Variants in CTIF observed in about 807,000 individuals in gnomAD.
CTIF encodes cap binding complex dependent translation initiation factor.
Under a neutral mutation model 66.0 loss-of-function variants are expected in CTIF, and 21 were observed. The observed-to-expected ratio is 0.32, with a 90% CI of 0.23 to 0.46. The LOEUF (loss-of-function observed/expected upper bound fraction) is 0.46. Ranked by LOEUF, CTIF falls within the 20% of genes least tolerant of loss-of-function variation. CTIF has a pLI of 1.00. For missense variants in CTIF, 739 were observed against 812.7 expected, an observed-to-expected ratio of 0.91 and a Z score of 1.10; for synonymous variants, 345 against 326.4, an observed-to-expected ratio of 1.06 and a Z score of -0.62.
At chr18:48,638,505 C>G (rs1752616210) in intron 3 of CTIF, among the ~76,000 whole-genome samples, 1 of 152,130 alleles carries the variant, frequency 6.6e-6, no homozygotes, top group South Asian at 2.1e-4. Context: ...CCCTCATCTG[C>G]CTCACCTCCC....
chr18:48,627,806 A>C (rs1433836532), intron 2 of CTIF, among the ~76,000 whole-genome samples: 1 of 93,142 alleles, frequency 1.1e-5, no homozygotes, highest in East Asian at 3.2e-4. Context: ...GGAGGGAGGG[A>C]GGGAGTGAGG....
intron 9 of CTIF, among the ~76,000 whole-genome samples, chr18:48,810,426 T>G (rs894918552): frequency 1.3e-5 from 2 of 152,116 alleles, no homozygotes; most frequent in Admixed American, 6.5e-5. Flanking sequence ...TATATTTGAG[T>G]ATGTCTTTAT....
chr18:48,758,003 C>A lies in CTIF; in HGVS notation c.669C>A (p.His223Gln). Reference protein sequence around the residue: ...QPGSAKHNRDHQKSYQGGSAP... With the variant: ...QPGSAKHNRDQQKSYQGGSAP... Reference sequence around the variant, plus strand: ...GCAGTGCCAAACACAACAGGGACCACCAGAAATCCTACCAGGGGGGCTCAG... The same window carrying A: ...GCAGTGCCAAACACAACAGGGACCAACAGAAATCCTACCAGGGGGGCTCAG... The change falls in exon 8 of 12, where the codon CAC (histidine) becomes CAA (glutamine). Residue 223 changes from histidine (H) to glutamine (Q), a missense_variant. Physicochemically the swap from His to Gln is conservative, Grantham distance 24. Coordinates refer to ENST00000256413, the MANE Select transcript of CTIF (RefSeq NM_014772.3). 2 of 1,614,038 alleles carry A rather than the reference C, an allele frequency of 1.2e-6. No individual in the cohort carries two copies. The highest frequency in any genetic ancestry group is 1.7e-6 in the Non-Finnish European group (2 of 1,180,010).
At chr18:48,583,614 G>C (rs947806749) in intron 1 of CTIF, among the ~76,000 whole-genome samples, 1 of 152,168 alleles carries the variant, frequency 6.6e-6, no homozygotes, top group South Asian at 2.1e-4. Flanking sequence ...GTCCGCAAGG[G>C]CCTGCAACAT....
chr18:48,780,446 C>T (rs1056130625), intron 9 of CTIF, among the ~76,000 whole-genome samples: 2 of 152,170 alleles, frequency 1.3e-5, no homozygotes, highest in Admixed American at 6.5e-5. Flanking sequence ...CCCGTCATCT[C>T]GGTGTCCCGG....
intron 2 of CTIF, chr18:48,625,257 CG>C (rs1165967873): frequency 6.1e-6 from 6 of 979,146 alleles, no homozygotes; most frequent in East Asian, 1.1e-4. Context: ...AGGAGGACTG[CG>C]GGGTGGTTCA....
intron 9 of CTIF, among the ~76,000 whole-genome samples, chr18:48,806,071 G>A (rs373563938): frequency 9.9e-5 from 15 of 152,072 alleles, no homozygotes; most frequent in Non-Finnish European, 1.5e-4. Flanking sequence ...TAGCAGAGTC[G>A]GAATGAGGAG....
In CTIF at chr18:48,761,563, C is replaced by A. The variant is rs1216539069; in HGVS notation, c.1245C>A (p.Arg415=). 4 of 1,614,094 alleles carry A rather than the reference C, an allele frequency of 2.5e-6. No homozygotes were observed. Among genetic ancestry groups the A allele is most frequent in the Non-Finnish European group, 3.4e-6 (4 of 1,180,054 alleles). Residue 415 remains arginine, a synonymous_variant, in exon 9 of 12, where the codon CGC becomes CGA. Transcript: ENST00000256413. This position sits in a 1 kb window ranked among gnomAD's most constrained non-coding sequence, Gnocchi z 4.2. ...AGGAGATGCTGGGCGAGATCGTGCGCACAATCTACCAGAAGGCTGTGTCCG... is the reference window on the plus strand; with the variant it reads ...AGGAGATGCTGGGCGAGATCGTGCGAACAATCTACCAGAAGGCTGTGTCCG... ...NSEEMLGEIV[R]TIYQKAVSDR...
intron 6 of CTIF, among the ~76,000 whole-genome samples, chr18:48,673,386 T>C (rs1001608167): frequency 1.3e-5 from 2 of 152,154 alleles, no homozygotes; most frequent in African/African-American, 4.8e-5. Flanking sequence ...AAATTCAGCA[T>C]GAACCTGGTT....
intron 1 of CTIF, among the ~76,000 whole-genome samples, chr18:48,576,197 G>A (rs1221701281): frequency 1.3e-5 from 2 of 152,234 alleles, no homozygotes; most frequent in South Asian, 4.1e-4. Flanking sequence ...GAGGCTGCCC[G>A]GGGCAGGGTT....
At chr18:48,718,012 G>A (rs565277886) in intron 7 of CTIF, among the ~76,000 whole-genome samples, 8 of 152,290 alleles carry the variant, frequency 5.3e-5, no homozygotes, top group Admixed American at 4.6e-4. Flanking sequence ...AAGTAGCTGG[G>A]ATTATAGACA....
rs1385009844 is a variant in CTIF, at chr18:48,761,463, T to C, written c.1145T>C (p.Met382Thr). 6.2e-7 allele frequency: 1 copy of C among 1,614,164 alleles called. No individual in the cohort carries two copies. Among genetic ancestry groups the C allele is most frequent in the Non-Finnish European group, 8.5e-7 (1 of 1,180,052 alleles). The change falls in exon 9 of 12, where the codon ATG (methionine) becomes ACG (threonine). Residue 382 changes from methionine to threonine, a missense_variant. Transcript: ENST00000256413. This position sits in a 1 kb window ranked among gnomAD's most constrained non-coding sequence, Gnocchi z 4.2. ...AAGCTGATCGAGATCCTGAACAGCA[T>C]GCGGAACAACAGCAGCGACGTGGAC... Reference protein sequence around the residue: ...MDKLIEILNSMRNNSSDVDTK... With the variant: ...MDKLIEILNSTRNNSSDVDTK...
At chr18:48,554,469 T>A (rs896987769) in intron 1 of CTIF, among the ~76,000 whole-genome samples, 1 of 152,242 alleles carries the variant, frequency 6.6e-6, no homozygotes, top group African/African-American at 2.4e-5. Context: ...GGAGGCACCC[T>A]CTTCACTGTG....
intron 1 of CTIF, among the ~76,000 whole-genome samples, chr18:48,587,365 C>T (rs2089794709): frequency 6.6e-6 from 1 of 152,174 alleles, no homozygotes. Context: ...CAGGCATGAG[C>T]CACCGCGCCT....
intron 10 of CTIF, among the ~76,000 whole-genome samples, chr18:48,834,279 G>C (rs536822345): frequency 6.6e-6 from 1 of 152,356 alleles, no homozygotes; most frequent in South Asian, 2.1e-4. Context: ...AAATGACTGA[G>C]AGTGACTGTG....
intron 10 of CTIF, among the ~76,000 whole-genome samples, chr18:48,824,950 G>T (rs2068554255): frequency 6.6e-6 from 1 of 152,126 alleles, no homozygotes; most frequent in South Asian, 2.1e-4. Context: ...CCAAGCAGGG[G>T]AATTTTCAAC....
rs57715945 is a variant in CTIF at position 48,669,793 on chromosome 18, T to TTA, written c.432-829_432-828dup. ...ATTTATAAACAAACAAGCTAAACAT[T>TTA]TATATATATATATATATATATATAT... On this transcript the variant is annotated intron_variant, in intron 5 of 11. Coordinates refer to ENST00000256413, the MANE Select transcript of CTIF (RefSeq NM_014772.3). 8.9e-3 allele frequency among the ~76,000 whole-genome samples: 419 copies of TTA among 47,102 alleles called. 8 individuals carry two copies. Among genetic ancestry groups the TTA allele is most frequent in the African/African-American group, 0.013 (151 of 11,818 alleles). 30.9% of individuals were successfully genotyped at this position (47,102 alleles called of 152,430 possible).
intron 9 of CTIF, among the ~76,000 whole-genome samples, chr18:48,795,301 C>T (rs2067890457): frequency 6.6e-6 from 1 of 152,232 alleles, no homozygotes; most frequent in African/African-American, 2.4e-5. Flanking sequence ...GAGTGCCCTA[C>T]ACCCTGCAGG....
Position 48,817,217 on chromosome 18 carries a change from A to C in CTIF, c.1372-4A>C. On this transcript the variant is annotated splice_region_variant and splice_polypyrimidine_tract_variant and intron_variant, in intron 9 of 11. Coordinates refer to ENST00000256413, the MANE Select transcript of CTIF (RefSeq NM_014772.3). ...GGCTGACGCGGTCTCTCATGCCTCC[A>C]CAGAAGGACTTCACGGTGCGCGAGG... The C allele has an allele frequency of 1.9e-6, 3 of 1,612,884 alleles. No individual in the cohort carries two copies. The highest frequency in any genetic ancestry group is 2.5e-6 in the Non-Finnish European group (3 of 1,179,512).
Sources: gnomAD v4.1 joint callset for allele counts (sites outside exome capture counted in the v4.1 genomes callset) on GRCh38, gnomAD v4.1.1 for gene constraint, Gnocchi (gnomAD v3.1) non-coding constraint, MANE v1.5 for transcripts, NCBI Gene and HGNC (gene_info 2026-07-23, HGNC 2026-07-21) for gene names.